Variants in RRM2 observed in about 807,000 individuals in gnomAD.
RRM2 encodes ribonucleoside-diphosphate reductase subunit M2.
Under a neutral mutation model 45.9 loss-of-function variants are expected in RRM2, and 6 were observed. That is an observed-to-expected ratio of 0.13 (90% confidence interval 0.07 to 0.26). RRM2 has a LOEUF of 0.26. RRM2 is among the 10% of genes least tolerant of loss of function. RRM2 has a pLI of 1.00. For missense variants in RRM2, 343 were observed against 489.5 expected (o/e 0.70, Z 2.82); for synonymous variants, 177 against 173.0 (o/e 1.02, Z -0.18).
upstream of RRM2, among the ~76,000 whole-genome samples, chr2:10,139,559 G>A (rs1197611847): frequency 1.3e-5 from 2 of 152,190 alleles, no homozygotes; most frequent in African/African-American, 2.4e-5. Flanking sequence ...ATTGCTGGGG[G>A]CGGATGAGGG....
At chr2:10,128,484 T>A (rs368825544) in intron 7 of RRM2, among the ~76,000 whole-genome samples, 2 of 152,364 alleles carry the variant, frequency 1.3e-5, no homozygotes, top group South Asian at 2.1e-4. Flanking sequence ...AAACTAGCCT[T>A]ATTACTGAGC....
intron 3 of RRM2, among the ~76,000 whole-genome samples, chr2:10,200,712 G>GCGCGCAAAATATGAGGCC (rs1664550674): frequency 7.2e-6 from 1 of 139,520 alleles, no homozygotes; most frequent in African/African-American, 2.5e-5. Context: ...CGGGGACCGC[G>GCGCGCAAAATATGAGGCC]CACACAAAAT....
chr2:10,166,384 A>G (rs1663681114), intron 3 of RRM2, among the ~76,000 whole-genome samples: 1 of 152,140 alleles, frequency 6.6e-6, no homozygotes, highest in South Asian at 2.1e-4. Flanking sequence ...CTGGTGGCCG[A>G]TGCGCTTAGG....
intron 3 of RRM2, among the ~76,000 whole-genome samples, chr2:10,190,578 A>T (rs1164538226): frequency 1.4e-5 from 2 of 145,832 alleles, no homozygotes; most frequent in African/African-American, 2.6e-5. Context: ...GATGGTGATG[A>T]TCATGGTGAT....
chr2:10,167,112 G>A (rs575465003), intron 3 of RRM2, among the ~76,000 whole-genome samples: 1 of 152,200 alleles, frequency 6.6e-6, no homozygotes, highest in Non-Finnish European at 1.5e-5. Context: ...TGGCACAGCT[G>A]CTCTCGAGAC....
At chr2:10,180,809 T>C (rs976985447) in intron 3 of RRM2, among the ~76,000 whole-genome samples, 1 of 152,166 alleles carries the variant, frequency 6.6e-6, no homozygotes, top group Non-Finnish European at 1.5e-5. Flanking sequence ...ACTCTGTCGC[T>C]AGGCTGGAGT....
At chr2:10,138,411 C>A (rs762616177), upstream of RRM2, among the ~76,000 whole-genome samples, 4 of 152,168 alleles carry the variant, frequency 2.6e-5, no homozygotes, top group Admixed American at 6.5e-5. Context: ...AGGTGATCCG[C>A]CTGCCTTGGC....
In RRM2 at chr2:10,122,889, G is replaced by A. The variant is rs756520918; in HGVS notation, c.91G>A (p.Glu31Lys). 6.3e-7 allele frequency: 1 copy of A among 1,591,758 alleles called. No homozygotes were observed. The highest frequency in any genetic ancestry group is 1.1e-5 in the South Asian group (1 of 88,002). Residue 31 changes from glutamate (E) to lysine (K), a missense_variant, in exon 1 of 10, where the codon GAG (glutamate) becomes AAG (lysine). Transcript: ENST00000304567. ...PLKGLSLVDK[E>K]NTPPALSGTR... ...GAAGGGGCTCAGCTTGGTCGACAAG[G>A]AGAACACGGTGAGCCCGCGGGGAGG... is the stretch of plus-strand genomic sequence containing the variant.
At chr2:10,124,584 G>T (rs778816443) in intron 4 of RRM2, 133 bp from the exon 5 acceptor site, 2 of 965,214 alleles carry the variant, frequency 2.1e-6, no homozygotes, top group Admixed American at 2.6e-5. Context: ...TCAAAGAATT[G>T]TGACAAATTG....
chr2:10,136,305 G>A (rs1490954598), downstream of RRM2, among the ~76,000 whole-genome samples: 1 of 152,258 alleles, frequency 6.6e-6, no homozygotes, highest in Non-Finnish European at 1.5e-5. Context: ...TGCTGCGATG[G>A]AGATGCTGGG....
chr2:10,165,440 G>A (rs1663657767), intron 3 of RRM2, among the ~76,000 whole-genome samples: 1 of 152,224 alleles, frequency 6.6e-6, no homozygotes, highest in Admixed American at 6.5e-5. Flanking sequence ...CAGGGGCCCT[G>A]TGTGGAAAGA....
At chr2:10,176,199 A>T (rs955899819) in intron 3 of RRM2, among the ~76,000 whole-genome samples, 3 of 152,044 alleles carry the variant, frequency 2.0e-5, no homozygotes, top group African/African-American at 4.8e-5. Flanking sequence ...ACTCTTCAAG[A>T]CCCTGTTTTC....
At position 10,203,760 on chromosome 2, in the gene RRM2, A is replaced by AATACATACATAC. The variant is rs3034307; in HGVS notation, n.483-6536_483-6525dup. 2.9e-3 allele frequency among the ~76,000 whole-genome samples: 440 copies of AATACATACATAC among 150,142 alleles called. 1 individual carries two copies. Among genetic ancestry groups the AATACATACATAC allele is most frequent in the Admixed American group, 5.7e-3 (86 of 15,086 alleles). ...AGTGAGACTCTGTCTCACAAAAATA[A>AATACATACATAC]ATACATACATACATACATACATACA... On this transcript the variant is annotated intron_variant and non_coding_transcript_variant, in intron 3 of 3. Transcript: ENST00000381786.
chr2:10,151,133 C>T (rs1663303826), intron 3 of RRM2, among the ~76,000 whole-genome samples: 1 of 152,040 alleles, frequency 6.6e-6, no homozygotes, highest in Admixed American at 6.6e-5. Context: ...ATTTTGAAGT[C>T]CATCAGTTGT....
intron 3 of RRM2, among the ~76,000 whole-genome samples, chr2:10,209,616 CGTGTGT>C (rs57435746): frequency 3.1e-4 from 47 of 150,670 alleles, no homozygotes; most frequent in East Asian, 5.9e-4. Flanking sequence ...TGCGTGCATG[CGTGTGT>C]GTGTGTGTGT....
chr2:10,168,428 C>T (rs1663726666), intron 3 of RRM2, among the ~76,000 whole-genome samples: 1 of 152,182 alleles, frequency 6.6e-6, no homozygotes, highest in Non-Finnish European at 1.5e-5. Flanking sequence ...TCGCTCTGGG[C>T]CTCCTTCCTG....
rs192510398 is a variant in RRM2 at position 10,130,232 on chromosome 2, G to A, written c.*846G>A. Reference sequence around the variant, plus strand: ...GTATTTTCCTCAACGTCTGGTTGATGAGAAAAAATTCTTGAAGAGTTTTCA... The same window carrying A: ...GTATTTTCCTCAACGTCTGGTTGATAAGAAAAAATTCTTGAAGAGTTTTCA... On this transcript the variant is annotated 3_prime_UTR_variant, in exon 10 of 10. Coordinates refer to ENST00000304567, the MANE Select transcript of RRM2 (RefSeq NM_001034.4). The A allele has an allele frequency of 6.6e-6, 1 of 152,284 alleles. No homozygotes were observed. The highest frequency in any genetic ancestry group is 6.5e-5 in the Admixed American group (1 of 15,296). The allele number at this position is 152,284 out of a possible 1,614,324, so 9.4% of individuals were successfully genotyped here. A position where few individuals can be genotyped will look rare whatever the true frequency, so the allele number is the denominator to read the frequency against.
At chr2:10,142,462 C>G (rs1195767749) in intron 3 of RRM2, 5 of 1,298,554 alleles carry the variant, frequency 3.9e-6, no homozygotes, top group Non-Finnish European at 5.2e-6. Flanking sequence ...TGTTTCCTAG[C>G]TCAGTGTACA....
At chr2:10,123,273 G>GT in intron 2 of RRM2, 114 bp from the exon 3 acceptor site, 1 of 1,384,054 alleles carries the variant, frequency 7.2e-7, no homozygotes, top group Non-Finnish European at 9.7e-7. Context: ...GGACAGCCAC[G>GT]TTTTCACATC....
Sources: gnomAD v4.1 joint callset for allele counts (sites outside exome capture counted in the v4.1 genomes callset) on GRCh38, gnomAD v4.1.1 for gene constraint, MANE v1.5 for transcripts, NCBI Gene and HGNC (gene_info 2026-07-23, HGNC 2026-07-21) for gene names.